Variants in SBK1 observed in about 807,000 individuals in gnomAD.
SBK1 encodes SH3 domain binding kinase 1.
In SBK1, 11 loss-of-function variants were observed where a neutral mutation model predicts 24.4. That is an observed-to-expected ratio of 0.45 (90% CI 0.28 to 0.75). The LOEUF (loss-of-function observed/expected upper bound fraction) is 0.75. Among genes scored for constraint, SBK1 ranks in the 30% least tolerant of loss-of-function variants. The pLI is 0.12. For synonymous variants in SBK1, 308 were observed against 284.4 expected (o/e 1.08, Z -0.83); for missense variants, 467 against 620.5 (o/e 0.75, Z 2.63).
At chr16:28,282,522 A>G (rs1471235392) in intron 1 of SBK1, among the ~76,000 whole-genome samples, 1 of 152,204 alleles carries the variant, frequency 6.6e-6, no homozygotes, top group Non-Finnish European at 1.5e-5. Context: ...TGATTAGTGC[A>G]GTGTCTCCCT....
At chr16:28,271,205 C>T (rs1045796247) in intron 1 of SBK1, among the ~76,000 whole-genome samples, 1 of 152,036 alleles carries the variant, frequency 6.6e-6, no homozygotes, top group Non-Finnish European at 1.5e-5. Context: ...ATGTACTCCA[C>T]TAAAATAAGG....
In SBK1 at chr16:28,320,323, A is replaced by G; in HGVS notation, c.677A>G (p.Asp226Gly). 6.3e-7 allele frequency: 1 copy of G among 1,591,602 alleles called. No homozygotes were observed. Among genetic ancestry groups the G allele is most frequent in the Non-Finnish European group, 8.5e-7 (1 of 1,175,324 alleles). ...GAGGTGTGCCAGGCGGGCCGCGCCG[A>G]CGGGCTGGCGGTGGACACGGGCGTG... is the stretch of plus-strand genomic sequence containing the variant. ...APEVCQAGRA[D>G]GLAVDTGVDV... The change falls in exon 4 of 4, where the codon GAC becomes GGC. Residue 226 changes from aspartate (D) to glycine (G), a missense_variant. Physicochemically the swap from Asp to Gly is moderately conservative, Grantham distance 94. Around this residue, in one of 4 missense-constraint regions of SBK1, gnomAD observed 92 missense variants for 193.8 expected, o/e 0.47. Coordinates refer to ENST00000341901, the MANE Select transcript of SBK1 (RefSeq NM_001024401.3). This position sits in a 1 kb window ranked among gnomAD's most constrained non-coding sequence, Gnocchi z 8.5.
chr16:28,322,757 C>T lies in SBK1; in HGVS notation c.*1836C>T, dbSNP rs149382210. On this transcript the variant is annotated 3_prime_UTR_variant, in exon 4 of 4. Transcript: ENST00000341901. Reference sequence around the variant, plus strand: ...ACCAGGTCTCAGAGAAGGCCCTGGTCACTGCCCCCGGCCCACCTGGAGCCC... The same window carrying T: ...ACCAGGTCTCAGAGAAGGCCCTGGTTACTGCCCCCGGCCCACCTGGAGCCC... The T allele has an allele frequency of 6.5e-6, 1 of 152,914 alleles. No homozygotes were observed. Among genetic ancestry groups the T allele is most frequent in the Non-Finnish European group, 1.5e-5 (1 of 68,120 alleles). The allele number at this position is 152,914 out of a possible 1,614,324, so 9.5% of individuals were successfully genotyped here. A position where few individuals can be genotyped will look rare whatever the true frequency, so the allele number is the denominator to read the frequency against.
Position 28,320,472 on chromosome 16 carries a change from G to T in SBK1, c.826G>T (p.Gly276Trp). The T allele has an allele frequency of 1.3e-6, 2 of 1,574,900 alleles. No individual in the cohort carries two copies. The highest frequency in any genetic ancestry group is 4.6e-5 in the East Asian group (2 of 43,472). ...GCGCTGGCAGCGGGGCCGCCTGCCGGGGCTGCCTTCGCAGTGGCGCCGCTT... is the reference window on the plus strand; with the variant it reads ...GCGCTGGCAGCGGGGCCGCCTGCCGTGGCTGCCTTCGCAGTGGCGCCGCTT... ...FVRWQRGRLP[G>W]LPSQWRRFTE... is the part of the protein sequence containing the mutation. The change falls in exon 4 of 4, where the codon GGG becomes TGG. Residue 276 changes from glycine (G) to tryptophan (W), a missense_variant. Gly to Trp is a radical substitution (Grantham distance 184, BLOSUM62 -2). Coordinates refer to ENST00000341901, the MANE Select transcript of SBK1 (RefSeq NM_001024401.3). This position sits in a 1 kb window ranked among gnomAD's most constrained non-coding sequence, Gnocchi z 8.5.
rs1348325618 is a variant in SBK1 at position 28,309,193 on chromosome 16, CCAG to C, written c.-7-8190_-7-8188del. On this transcript the variant is annotated intron_variant, in intron 1 of 3. Coordinates refer to ENST00000341901, the MANE Select transcript of SBK1 (RefSeq NM_001024401.3). ...GGGTTTTGGAGTCCTCTGCATCAAA[CCAG>C]CTGCAGAAGAAGAGAGTGCAGATAA... Among the ~76,000 whole-genome samples, 5 of 152,258 alleles carry C rather than the reference CCAG, an allele frequency of 3.3e-5. No individual in the cohort carries two copies. The East Asian group carries it at 9.7e-4, about 29-fold the overall frequency.
intron 1 of SBK1, among the ~76,000 whole-genome samples, chr16:28,266,536 A>G (rs2044429421): frequency 6.6e-6 from 1 of 152,056 alleles, no homozygotes; most frequent in Non-Finnish European, 1.5e-5. Context: ...GATCTCACTG[A>G]GCTGAAATCA....
chr16:28,260,082 GCT>G (rs1567667597), intron 1 of SBK1, among the ~76,000 whole-genome samples: 14 of 84,696 alleles, frequency 1.7e-4, no homozygotes, highest in African/African-American at 4.9e-4. Flanking sequence ...ATGTGTATTT[GCT>G]TGTGTGTGTG....
chr16:28,317,525 C>T lies in SBK1; in HGVS notation c.134C>T (p.Ala45Val), dbSNP rs762092507. The T allele has an allele frequency of 1.5e-5, 24 of 1,614,068 alleles. No homozygotes were observed. The South Asian group carries it at 2.6e-4, about 18-fold the overall frequency. The stretch of plus-strand genomic sequence containing the variant: ...CAGGCCCTGACTCTCCGCACACTGG[C>T]CGCCAGCGACGTCACCAAGCACTAC... ...DMQALTLRTL[A>V]ASDVTKHYEL... is the part of the protein sequence containing the mutation. The change falls in exon 2 of 4, where the codon GCC becomes GTC. Residue 45 changes from alanine to valine, a missense_variant. Ala to Val is a moderately conservative substitution (Grantham distance 64). Coordinates refer to ENST00000341901, the MANE Select transcript of SBK1 (RefSeq NM_001024401.3). The surrounding 1 kb of genome is among the most constrained non-coding windows in gnomAD (Gnocchi z 4.2).
At chr16:28,273,531 G>T (rs1375181931) in intron 1 of SBK1, among the ~76,000 whole-genome samples, 2 of 151,932 alleles carry the variant, frequency 1.3e-5, no homozygotes, top group East Asian at 3.9e-4. Context: ...GCCATAGGTT[G>T]TCTTTTCACT....
At position 28,320,063 on chromosome 16, in the gene SBK1, C is replaced by T. The variant is rs755837662; in HGVS notation, c.430-13C>T. ...GAGCTGGAAACAGCGCGGCTTCCCC[C>T]GGCCGCCCGCAGGTGGGGCTCCCTG... On this transcript the variant is annotated splice_polypyrimidine_tract_variant and intron_variant, in intron 3 of 3. Coordinates refer to ENST00000341901, the MANE Select transcript of SBK1 (RefSeq NM_001024401.3). The surrounding 1 kb of genome is among the most constrained non-coding windows in gnomAD (Gnocchi z 8.5). The T allele has an allele frequency of 5.5e-5, 81 of 1,471,104 alleles. No individual in the cohort carries two copies. Among genetic ancestry groups the T allele is most frequent in the East Asian group, 4.7e-4 (19 of 40,394 alleles). 91.1% of individuals were successfully genotyped at this position (1,471,104 alleles called of 1,614,324 possible). A position where few individuals can be genotyped will look rare whatever the true frequency, so the allele number is the denominator to read the frequency against.
chr16:28,280,141 A>ATGTGTGTGTG (rs1407793111), intron 1 of SBK1, among the ~76,000 whole-genome samples: 1 of 58,240 alleles, frequency 1.7e-5, no homozygotes, highest in Non-Finnish European at 4.4e-5. Context: ...ATATATATAT[A>ATGTGTGTGTG]TATATATATG....
intron 1 of SBK1, among the ~76,000 whole-genome samples, chr16:28,304,568 A>G (rs1423057556): frequency 6.6e-6 from 1 of 152,146 alleles, no homozygotes; most frequent in Non-Finnish European, 1.5e-5. Flanking sequence ...GTAAAGTCTC[A>G]GCACACTGAG....
chr16:28,280,145 ATATATGTGTGTGTG>A (rs1163586542), intron 1 of SBK1, among the ~76,000 whole-genome samples: 52 of 55,292 alleles, frequency 9.4e-4, no homozygotes, highest in African/African-American at 2.5e-3. Flanking sequence ...ATATATATAT[ATATATGTGTGTGTG>A]TGTGTGTGTG....
At chr16:28,261,463 AC>A (rs2044397094) in intron 1 of SBK1, among the ~76,000 whole-genome samples, 1 of 151,282 alleles carries the variant, frequency 6.6e-6, no homozygotes, top group Non-Finnish European at 1.5e-5. Context: ...ACACACACAC[AC>A]ACACACACAC....
chr16:28,277,011 G>C (rs2044497416), intron 1 of SBK1, among the ~76,000 whole-genome samples: 1 of 152,100 alleles, frequency 6.6e-6, no homozygotes, highest in Non-Finnish European at 1.5e-5. Context: ...GCGATGAAGA[G>C]GATAGAAGGG....
chr16:28,288,923 A>T (rs2141572841), upstream of SBK1, among the ~76,000 whole-genome samples: 1 of 152,292 alleles, frequency 6.6e-6, no homozygotes, highest in East Asian at 1.9e-4. Flanking sequence ...TGTAGAACTG[A>T]GAGGGAGTCG....
intron 1 of SBK1, among the ~76,000 whole-genome samples, chr16:28,299,688 G>T (rs1272637491): frequency 6.6e-6 from 1 of 152,170 alleles, no homozygotes; most frequent in Non-Finnish European, 1.5e-5. Flanking sequence ...GCTGGCCTCG[G>T]AGTTTCTGAG....
intron 1 of SBK1, among the ~76,000 whole-genome samples, chr16:28,272,154 C>T (rs1340174030): frequency 6.6e-6 from 1 of 152,202 alleles, no homozygotes; most frequent in Non-Finnish European, 1.5e-5. Flanking sequence ...ACTGCAGCCT[C>T]CATCTCCTGG....
intron 1 of SBK1, among the ~76,000 whole-genome samples, chr16:28,260,313 C>A (rs2141949331): frequency 1.3e-5 from 2 of 152,248 alleles, no homozygotes; most frequent in Non-Finnish European, 2.9e-5. Context: ...CTCTCCCCAC[C>A]CCCACCTGCA....
Sources: allele counts gnomAD v4.1 joint callset (sites outside exome capture counted in the v4.1 genomes callset), GRCh38; gene constraint gnomAD v4.1.1; regional missense constraint gnomAD v4.1.1; non-coding constraint Gnocchi (gnomAD v3.1); transcripts MANE v1.5; gene names NCBI Gene and HGNC (gene_info 2026-07-23, HGNC 2026-07-21).